The following NUCKS1 variants were observed in gnomAD, a reference collection of about 807,000 sequenced individuals.
NUCKS1 encodes nuclear casein kinase and cyclin dependent kinase substrate 1.
Under a neutral mutation model 33.0 loss-of-function variants are expected in NUCKS1, and 2 were observed. The ratio of observed to expected loss-of-function variants is 0.06; its 90% CI spans 0.02 to 0.19. The LOEUF is 0.19. Ranked by LOEUF, NUCKS1 falls within the 10% of genes least tolerant of loss-of-function variation. NUCKS1 has a pLI of 1.00. For synonymous variants in NUCKS1, 106 were observed against 102.8 expected (o/e 1.03, Z -0.19); for missense variants, 201 against 293.6 (o/e 0.68, Z 2.31).
At chr1:205,728,499 A>G (rs1278505280) in intron 2 of NUCKS1, among the ~76,000 whole-genome samples, 1 of 152,240 alleles carries the variant, frequency 6.6e-6, no homozygotes, top group Non-Finnish European at 1.5e-5. Flanking sequence ...TAATAATAGT[A>G]TATCACACAT....
At chr1:205,730,307 G>A (rs1050122429) in intron 1 of NUCKS1, among the ~76,000 whole-genome samples, 4 of 151,378 alleles carry the variant, frequency 2.6e-5, no homozygotes, top group African/African-American at 9.7e-5. Flanking sequence ...TCAGCCTCCC[G>A]AAGTGCTGGG....
rs1298688823 is a variant in NUCKS1, at chr1:205,729,559, C to T, written c.67+13G>A. On this transcript the variant is annotated intron_variant, in intron 2 of 6. Transcript: ENST00000367142. ...CAGTCCAACTTAAAATTTGTTGAAA[C>T]CACAAAACTTACCTGCATCATCAGA... 3 of 1,607,308 alleles carry T rather than the reference C, an allele frequency of 1.9e-6. No individual in the cohort carries two copies. The highest frequency in any genetic ancestry group is 2.6e-6 in the Non-Finnish European group (3 of 1,173,874).
intron 1 of NUCKS1, among the ~76,000 whole-genome samples, chr1:205,732,806 TA>T (rs1320974167): frequency 9.5e-6 from 1 of 105,670 alleles, no homozygotes; most frequent in African/African-American, 3.5e-5. Context: ...GTTAAGATGG[TA>T]AATTTTATGC....
chr1:205,749,383 G>A (rs1005926287), intron 1 of NUCKS1, among the ~76,000 whole-genome samples: 18 of 152,230 alleles, frequency 1.2e-4, no homozygotes, highest in Admixed American at 5.9e-4. Flanking sequence ...CGGGAGGCGG[G>A]GCCTGCAGCG....
chr1:205,749,760 C>T (rs1225552360), intron 1 of NUCKS1, among the ~76,000 whole-genome samples, 197 bp downstream of exon 1: 1 of 151,264 alleles, frequency 6.6e-6, no homozygotes, highest in African/African-American at 2.4e-5. Flanking sequence ...CGGGGAGGGG[C>T]GCGCGCACGG....
At chr1:205,724,051 GA>G (rs1345617179) in intron 3 of NUCKS1, 70 bp from the exon 4 acceptor site, 1 of 1,103,282 alleles carries the variant, frequency 9.1e-7, no homozygotes, top group Non-Finnish European at 1.4e-6. Context: ...ATAGATCTCT[GA>G]TTTCTGACTT....
In NUCKS1 at chr1:205,717,190, TA is replaced by T; in HGVS notation, c.*1089del. 1 of 422,456 alleles carries T rather than the reference TA, an allele frequency of 2.4e-6. No individual in the cohort carries two copies. The highest frequency in any genetic ancestry group is 3.2e-6 in the Non-Finnish European group (1 of 314,738). The allele number at this position is 422,456 out of a possible 1,614,324, so 26.2% of individuals were successfully genotyped here. On this transcript the variant is annotated 3_prime_UTR_variant, in exon 7 of 7. Transcript: ENST00000367142. ...AAAAAGAAAATGTTCTATCCCCAAA[TA>T]AAAGCAGAGCATGGTTAATGGGACC... is the stretch of plus-strand genomic sequence containing the variant.
At chr1:205,736,401 T>C (rs1050381535) in intron 1 of NUCKS1, among the ~76,000 whole-genome samples, 2 of 152,118 alleles carry the variant, frequency 1.3e-5, no homozygotes, top group Non-Finnish European at 2.9e-5. Flanking sequence ...GCTGAGAGTA[T>C]TATATGTAGT....
intron 1 of NUCKS1, among the ~76,000 whole-genome samples, chr1:205,739,260 CTTCCT>C (rs1654106616): frequency 6.6e-6 from 1 of 152,202 alleles, no homozygotes; most frequent in Admixed American, 6.5e-5. Context: ...CTTCTCAAAC[CTTCCT>C]TTCCTAAGTC....
chr1:205,727,596 A>C, intron 3 of NUCKS1, 104 bp downstream of exon 3: 1 of 770,946 alleles, frequency 1.3e-6, no homozygotes, highest in Non-Finnish European at 2.3e-6. Flanking sequence ...GACAGTAAGT[A>C]CTTTTCAAAA....
chr1:205,718,259 C>G lies in NUCKS1; in HGVS notation c.*21G>C. Reference sequence around the variant, plus strand: ...TTTCTTTTTTTTTTTAATAAAATCTCTCCCCAGACCATCATCACTTTTAAT... The same window carrying G: ...TTTCTTTTTTTTTTTAATAAAATCTGTCCCCAGACCATCATCACTTTTAAT... On this transcript the variant is annotated 3_prime_UTR_variant, in exon 7 of 7. Coordinates refer to ENST00000367142, the MANE Select transcript of NUCKS1 (RefSeq NM_022731.5). 1 of 1,512,556 alleles carries G rather than the reference C, an allele frequency of 6.6e-7. No individual in the cohort carries two copies. The highest frequency in any genetic ancestry group is 1.4e-5 in the South Asian group (1 of 71,472). The allele number at this position is 1,512,556 out of a possible 1,614,324, so 93.7% of individuals were successfully genotyped here.
intron 1 of NUCKS1, among the ~76,000 whole-genome samples, chr1:205,743,360 G>T (rs1654229563): frequency 1.3e-5 from 2 of 152,154 alleles, no homozygotes; most frequent in Admixed American, 1.3e-4. Flanking sequence ...TATAAACCCA[G>T]AAGAGGCTGA....
In NUCKS1 at chr1:205,750,080, G is replaced by A; in HGVS notation, c.-107C>T. ...CCGAACTTCAGCCGATGGGACCGCT[G>A]CTGCCGAACCCCGAGCTGCTGGCTT... On this transcript the variant is annotated 5_prime_UTR_variant, in exon 1 of 7. Transcript: ENST00000367142. 3.3e-6 allele frequency: 4 copies of A among 1,214,662 alleles called. No homozygotes were observed. Among genetic ancestry groups the A allele is most frequent in the East Asian group, 5.8e-5 (2 of 34,504 alleles). The allele number at this position is 1,214,662 out of a possible 1,614,324, so 75.2% of individuals were successfully genotyped here.
At chr1:205,746,097 A>C (rs1654315610) in intron 1 of NUCKS1, among the ~76,000 whole-genome samples, 1 of 152,048 alleles carries the variant, frequency 6.6e-6, no homozygotes, top group Non-Finnish European at 1.5e-5. Flanking sequence ...AGAGTTCGAG[A>C]CCAGCCTGGC....
At chr1:205,748,275 TAA>T (rs1011175655) in intron 1 of NUCKS1, among the ~76,000 whole-genome samples, 1 of 152,102 alleles carries the variant, frequency 6.6e-6, no homozygotes, top group Non-Finnish European at 1.5e-5. Flanking sequence ...CACAATAAAA[TAA>T]AGTCATCAAA....
rs752476044 is a variant in NUCKS1 at position 205,717,496 on chromosome 1, CTTT to C, written c.*781_*783del. 429 of 944,582 alleles carry C rather than the reference CTTT, an allele frequency of 4.5e-4. No homozygotes were observed. The highest frequency in any genetic ancestry group is 5.3e-4 in the Middle Eastern group (1 of 1,876). 58.5% of individuals were successfully genotyped at this position (944,582 alleles called of 1,614,324 possible). A position where few individuals can be genotyped will look rare whatever the true frequency, so the allele number is the denominator to read the frequency against. On this transcript the variant is annotated 3_prime_UTR_variant, in exon 7 of 7. Transcript: ENST00000367142. ...AAATCAAGAGTTTTGGCAGCCCCTG[CTTT>C]TTTTTTTTTTTTAGCTCCCTAAAGA...
At chr1:205,728,960 G>T (rs957594927) in intron 2 of NUCKS1, among the ~76,000 whole-genome samples, 1 of 151,584 alleles carries the variant, frequency 6.6e-6, no homozygotes, top group Admixed American at 6.6e-5. Context: ...GAGCCACTGC[G>T]CCTGGCTGTA....
Position 205,717,797 on chromosome 1 carries a change from T to C in NUCKS1, c.*483A>G. On this transcript the variant is annotated 3_prime_UTR_variant, in exon 7 of 7. Coordinates refer to ENST00000367142, the MANE Select transcript of NUCKS1 (RefSeq NM_022731.5). ...CTCATATTAGATGACAATTGATTTT[T>C]TAAAAGTCCAGGTAGAGAAAGGAGC... 1.0e-6 allele frequency: 1 copy of C among 985,376 alleles called. No individual in the cohort carries two copies. The highest frequency in any genetic ancestry group is 1.1e-4 in the East Asian group (1 of 8,820). 61.0% of individuals were successfully genotyped at this position (985,376 alleles called of 1,614,324 possible).
In NUCKS1 at chr1:205,720,522, C is replaced by T. The variant is rs1395439827; in HGVS notation, c.361G>A (p.Asp121Asn). ...ATACTCTCCTGGAATGGTGCCTCAT[C>T]CTCCTCTTCTTGTTCTTCCTCACTG... Reference protein sequence around the residue: ...VGSEEEQEEEDEAPFQEKDSG... With the variant: ...VGSEEEQEEENEAPFQEKDSG... The change falls in exon 5 of 7, where the codon GAT becomes AAT. Residue 121 changes from aspartate (D) to asparagine (N), a missense_variant. Coordinates refer to ENST00000367142, the MANE Select transcript of NUCKS1 (RefSeq NM_022731.5). 1.2e-6 allele frequency: 2 copies of T among 1,613,898 alleles called. No individual in the cohort carries two copies. The highest frequency in any genetic ancestry group is 1.7e-6 in the Non-Finnish European group (2 of 1,179,994).
Sources: gnomAD v4.1 joint callset for allele counts (sites outside exome capture counted in the v4.1 genomes callset) on GRCh38, gnomAD v4.1.1 for gene constraint, MANE v1.5 for transcripts, NCBI Gene and HGNC (gene_info 2026-07-23, HGNC 2026-07-21) for gene names.